Variants in PTPRN2 observed in about 807,000 individuals in gnomAD.
The protein encoded by PTPRN2 is protein tyrosine phosphatase receptor type N2, also known as receptor-type tyrosine-protein phosphatase N2.
PTPRN2 carries 74 observed loss-of-function variants against 118.8 expected under a neutral mutation model. The observed-to-expected ratio is 0.62, with a 90% CI of 0.52 to 0.76. PTPRN2 has a LOEUF of 0.76. Ranked by LOEUF, PTPRN2 falls within the 30% of genes least tolerant of loss-of-function variation. The pLI is 0.00. For synonymous variants in PTPRN2, 641 were observed against 608.0 expected, an observed-to-expected ratio of 1.05 and a Z score of -0.80; for missense variants, 1,481 against 1,394.4, an observed-to-expected ratio of 1.06 and a Z score of -0.99.
intron 21 of PTPRN2, among the ~76,000 whole-genome samples, chr7:157,566,888 G>A (rs1285703480): frequency 6.6e-6 from 1 of 152,224 alleles, no homozygotes; most frequent in Admixed American, 6.5e-5. Flanking sequence ...GCGTCCGGCC[G>A]CCTGCCTGTG....
intron 5 of PTPRN2, among the ~76,000 whole-genome samples, chr7:158,181,827 G>A (rs1456163749): frequency 4.6e-5 from 7 of 152,010 alleles, no homozygotes; most frequent in Admixed American, 1.3e-4. Flanking sequence ...GATTAATCTA[G>A]CTAATGGTCC....
At position 157,622,568 on chromosome 7, in the gene PTPRN2, C is replaced by T. The variant is rs955270347; in HGVS notation, c.2197-1059G>A. On this transcript the variant is annotated intron_variant, in intron 14 of 22. Coordinates refer to ENST00000389418, the MANE Select transcript of PTPRN2 (RefSeq NM_002847.5). The surrounding 1 kb of genome is among the most constrained non-coding windows in gnomAD (Gnocchi z 5.3). ...CGGCGAGGCGGGAATCTCAGGTCAT[C>T]GTGCCGTCTAGTGGAAGTTTTGACC... Among the ~76,000 whole-genome samples the T allele has an allele frequency of 3.3e-5, 5 of 152,152 alleles. No homozygotes were observed. Among genetic ancestry groups the T allele is most frequent in the Non-Finnish European group, 7.3e-5 (5 of 68,036 alleles).
chr7:158,110,781 C>CAACCAA (rs1816171521), intron 10 of PTPRN2, 48 bp downstream of exon 10: 6 of 1,507,908 alleles, frequency 4.0e-6, no homozygotes, highest in African/African-American at 2.8e-5. Context: ...CCAGTCTCTG[C>CAACCAA]GACCAAGCAA....
At chr7:158,155,735 AT>A (rs1821745096) in intron 6 of PTPRN2, among the ~76,000 whole-genome samples, 1 of 77,326 alleles carries the variant, frequency 1.3e-5, no homozygotes, top group Non-Finnish European at 3.1e-5. Context: ...CATCACCATC[AT>A]CACCATCATC....
At chr7:157,746,540 G>A (rs539131371) in intron 12 of PTPRN2, among the ~76,000 whole-genome samples, 22 of 138,586 alleles carry the variant, frequency 1.6e-4, no homozygotes, top group African/African-American at 5.8e-4. Flanking sequence ...GTGATCACGG[G>A]ACTCCCTACA....
At chr7:157,942,164 C>T (rs1276426257) in intron 11 of PTPRN2, among the ~76,000 whole-genome samples, 1 of 37,776 alleles carries the variant, frequency 2.6e-5, no homozygotes, top group Non-Finnish European at 4.1e-5. Context: ...CCACCCTCCA[C>T]ACACAGGGGT....
intron 2 of PTPRN2, among the ~76,000 whole-genome samples, chr7:158,448,243 GTGGACT>G (rs1817861961): frequency 6.6e-6 from 1 of 152,380 alleles, no homozygotes; most frequent in Admixed American, 6.5e-5. Context: ...ACAGAGAGAA[GTGGACT>G]TGGAAGGATA....
At chr7:158,387,574 C>CTGAAGCACTCTCTGCG (rs1554487904) in intron 2 of PTPRN2, among the ~76,000 whole-genome samples, 1 of 152,084 alleles carries the variant, frequency 6.6e-6, no homozygotes, top group Non-Finnish European at 1.5e-5. Context: ...TCCCTGTCAG[C>CTGAAGCACTCTCTGCG]TCAGCTTGGC....
At chr7:157,899,931 T>C (rs1797346946) in intron 11 of PTPRN2, among the ~76,000 whole-genome samples, 1 of 152,128 alleles carries the variant, frequency 6.6e-6, no homozygotes, top group African/African-American at 2.4e-5. Context: ...GCAAGAGAGC[T>C]ATAAGGCCAT....
intron 2 of PTPRN2, among the ~76,000 whole-genome samples, chr7:158,485,366 ACC>A (rs1820934385): frequency 2.4e-5 from 2 of 83,272 alleles, no homozygotes; most frequent in Non-Finnish European, 4.9e-5. Flanking sequence ...CTGCTCGGCC[ACC>A]CCTCTCTGCG....
In PTPRN2 at chr7:158,438,370, A is replaced by C. The variant is rs533638308; in HGVS notation, c.163+51365T>G. On this transcript the variant is annotated intron_variant, in intron 2 of 22. Transcript: ENST00000389418. The surrounding 1 kb of genome is among the most constrained non-coding windows in gnomAD (Gnocchi z 4.7). ...CAGAGTGGGACTCCATCTCAAAAAA[A>C]AAAAAGAAAAAGTTTTATTTTATTT... is the stretch of plus-strand genomic sequence containing the variant. 5.3e-5 allele frequency among the ~76,000 whole-genome samples: 8 copies of C among 152,298 alleles called. No individual in the cohort carries two copies. The highest frequency in any genetic ancestry group is 1.7e-4 in the African/African-American group (7 of 41,580).
At chr7:158,046,798 G>T (rs989347683) in intron 11 of PTPRN2, among the ~76,000 whole-genome samples, 1 of 152,152 alleles carries the variant, frequency 6.6e-6, no homozygotes, top group Non-Finnish European at 1.5e-5. Context: ...ACGGCAGGAC[G>T]GGTTTCTCAG....
chr7:158,077,725 G>A (rs988690900), intron 11 of PTPRN2, among the ~76,000 whole-genome samples: 3 of 152,190 alleles, frequency 2.0e-5, no homozygotes, highest in African/African-American at 7.2e-5. Context: ...ACAGGCCACC[G>A]GGTGAGGGTC....
chr7:158,159,629 C>G (rs1822179297), intron 6 of PTPRN2, among the ~76,000 whole-genome samples: 1 of 151,064 alleles, frequency 6.6e-6, no homozygotes, highest in Non-Finnish European at 1.5e-5. Context: ...GATCAATGAG[C>G]AAGGATTACA....
rs529291464 is a variant in PTPRN2 at position 158,070,795 on chromosome 7, G to A, written c.1723+10503C>T. Among the ~76,000 whole-genome samples the A allele has an allele frequency of 1.8e-4, 23 of 130,874 alleles. 1 individual carries two copies. The East Asian group carries it at 4.1e-3, about 24-fold the overall frequency. The allele number at this position is 130,874 out of a possible 152,430, so 85.9% of individuals were successfully genotyped here. On this transcript the variant is annotated intron_variant, in intron 11 of 22. Transcript: ENST00000389418. ...CATGGTGGAGGTGCCCGTGGTGGTGGAGGTGCCCGTGGTGGTGAAGGTGCC... is the reference window on the plus strand; with the variant it reads ...CATGGTGGAGGTGCCCGTGGTGGTGAAGGTGCCCGTGGTGGTGAAGGTGCC...
chr7:157,582,512 G>A (rs1192632100), intron 17 of PTPRN2, among the ~76,000 whole-genome samples: 1 of 152,170 alleles, frequency 6.6e-6, no homozygotes, highest in Non-Finnish European at 1.5e-5. Flanking sequence ...AAGTGTTGGA[G>A]AGGATGTGGA....
intron 13 of PTPRN2, among the ~76,000 whole-genome samples, chr7:157,666,134 TA>T (rs57919844): frequency 0.31 from 44,041 of 143,402 alleles, 6,675 homozygotes; most frequent in East Asian, 0.52. Flanking sequence ...AAAGTATAAT[TA>T]AAAAAAAAAA....
chr7:157,937,528 C>T (rs965105155), intron 11 of PTPRN2, among the ~76,000 whole-genome samples: 7 of 152,330 alleles, frequency 4.6e-5, no homozygotes, highest in Admixed American at 2.6e-4. Context: ...AAGCCGTGTG[C>T]GGTGTGGCTT....
intron 12 of PTPRN2, among the ~76,000 whole-genome samples, chr7:157,738,512 C>T (rs1563057190): frequency 2.6e-5 from 4 of 152,202 alleles, no homozygotes; most frequent in Admixed American, 6.5e-5. Context: ...CGCAGGCTGC[C>T]GGTGCTGGTC....
Sources: allele counts gnomAD v4.1 joint callset (sites outside exome capture counted in the v4.1 genomes callset), GRCh38; gene constraint gnomAD v4.1.1; non-coding constraint Gnocchi (gnomAD v3.1); transcripts MANE v1.5; gene names NCBI Gene and HGNC (gene_info 2026-07-23, HGNC 2026-07-21).